The following ZBTB7C variants were observed in gnomAD, a reference collection of about 807,000 sequenced individuals.
ZBTB7C encodes the protein zinc finger and BTB domain-containing protein 7C.
In ZBTB7C, 8 loss-of-function variants were observed where a neutral mutation model predicts 25.7. The ratio of observed to expected loss-of-function variants is 0.31; its 90% CI spans 0.18 to 0.56. The LOEUF is 0.56. Ranked by LOEUF, ZBTB7C falls within the 20% of genes least tolerant of loss-of-function variation. The pLI, the probability that ZBTB7C is intolerant of heterozygous loss-of-function variation, is 0.91. For missense variants in ZBTB7C, 824 were observed against 855.2 expected, an observed-to-expected ratio of 0.96 and a Z score of 0.46; for synonymous variants, 394 against 369.0, an observed-to-expected ratio of 1.07 and a Z score of -0.78.
At chr18:48,362,405 G>A (rs931379884) in intron 1 of ZBTB7C, among the ~76,000 whole-genome samples, 7 of 152,208 alleles carry the variant, frequency 4.6e-5, no homozygotes, top group African/African-American at 1.4e-4. Context: ...TCACGAAGGT[G>A]GAGCTTTCAT....
chr18:48,180,435 C>T, intron 3 of ZBTB7C: 2 of 445,864 alleles, frequency 4.5e-6, no homozygotes, highest in South Asian at 3.2e-5. Flanking sequence ...CTCTTGAAGA[C>T]AAGGGTCTGG....
rs1298142061 is a variant in ZBTB7C, at chr18:48,259,734, A to G, written c.-78-73739T>C. ...TGAACAGAACTTTACCAAAAAAAAT[A>G]TGAATGGCAAGTAAGCCCATGAAAA... On this transcript the variant is annotated intron_variant, in intron 2 of 4. Coordinates refer to ENST00000590800, the MANE Select transcript of ZBTB7C (RefSeq NM_001318841.2). Among the ~76,000 whole-genome samples the G allele has an allele frequency of 3.3e-5, 5 of 152,250 alleles. No homozygotes were observed. The East Asian group carries it at 9.6e-4, about 29-fold the overall frequency.
chr18:48,059,149 C>T (rs577622581), intron 3 of ZBTB7C, among the ~76,000 whole-genome samples: 1 of 152,268 alleles, frequency 6.6e-6, no homozygotes, highest in South Asian at 2.1e-4. Context: ...ACTAACTCAA[C>T]TCCTTTGGGA....
intron 3 of ZBTB7C, among the ~76,000 whole-genome samples, chr18:48,165,794 A>G (rs1350772202): frequency 6.6e-6 from 1 of 152,192 alleles, no homozygotes; most frequent in Middle Eastern, 3.2e-3. Context: ...CAGGGTCTGC[A>G]CAGCTCTGTG....
At chr18:48,234,547 C>T (rs1194638778) in intron 2 of ZBTB7C, among the ~76,000 whole-genome samples, 2 of 152,076 alleles carry the variant, frequency 1.3e-5, no homozygotes, top group Non-Finnish European at 2.9e-5. Flanking sequence ...TGCTAGGGTG[C>T]AATACGATTC....
At chr18:48,328,912 C>T (rs9630786) in intron 2 of ZBTB7C, among the ~76,000 whole-genome samples, 1,898 of 152,266 alleles carry the variant, frequency 0.012, 47 homozygotes, top group African/African-American at 0.044. Context: ...ATGGAAGATT[C>T]CAGACAAGTG....
chr18:48,198,684 C>G (rs956715282), intron 2 of ZBTB7C, among the ~76,000 whole-genome samples: 43 of 152,160 alleles, frequency 2.8e-4, no homozygotes, highest in African/African-American at 9.9e-4. Flanking sequence ...TGATCCAATC[C>G]AGCACATTCT....
intron 2 of ZBTB7C, among the ~76,000 whole-genome samples, chr18:48,250,847 T>C (rs1467271817): frequency 6.6e-6 from 1 of 152,106 alleles, no homozygotes; most frequent in Admixed American, 6.6e-5. Context: ...AAAATTTTTC[T>C]ATAGGAGACA....
chr18:48,354,759 G>C (rs989917833), intron 1 of ZBTB7C, among the ~76,000 whole-genome samples: 4 of 152,124 alleles, frequency 2.6e-5, no homozygotes. Context: ...GGTGTGTCAG[G>C]GCTGGTCCAA....
intron 3 of ZBTB7C, among the ~76,000 whole-genome samples, chr18:48,118,556 C>A (rs958444122): frequency 1.3e-5 from 2 of 152,106 alleles, no homozygotes; most frequent in African/African-American, 4.8e-5. Flanking sequence ...TTGACTTGTT[C>A]TTCCTCTTTC....
At chr18:48,113,979 G>A (rs1431424164) in intron 3 of ZBTB7C, among the ~76,000 whole-genome samples, 2 of 152,192 alleles carry the variant, frequency 1.3e-5, no homozygotes, top group Non-Finnish European at 2.9e-5. Context: ...GGGTGGTGGT[G>A]TCCCATGAAA....
At chr18:48,289,120 A>C (rs556221176) in intron 2 of ZBTB7C, among the ~76,000 whole-genome samples, 1 of 152,350 alleles carries the variant, frequency 6.6e-6, no homozygotes, top group Non-Finnish European at 1.5e-5. Flanking sequence ...TTGATTGGCT[A>C]AATGGGACTG....
chr18:48,053,805 A>T (rs1460026258), intron 3 of ZBTB7C, among the ~76,000 whole-genome samples: 3 of 152,186 alleles, frequency 2.0e-5, no homozygotes. Flanking sequence ...ACCTAAAATG[A>T]GTGCTAAGTG....
chr18:48,360,031 A>G (rs2047067253), intron 1 of ZBTB7C, among the ~76,000 whole-genome samples: 1 of 152,220 alleles, frequency 6.6e-6, no homozygotes, highest in Admixed American at 6.5e-5. Context: ...GTTCATGAAT[A>G]GACCCTTCAG....
At chr18:48,037,180 G>A (rs1367151260) in intron 4 of ZBTB7C, among the ~76,000 whole-genome samples, 1 of 152,236 alleles carries the variant, frequency 6.6e-6, no homozygotes, top group African/African-American at 2.4e-5. Flanking sequence ...GAGGGTCAGA[G>A]ACCAGTGGGA....
At chr18:48,328,619 G>A (rs578118245) in intron 2 of ZBTB7C, among the ~76,000 whole-genome samples, 1 of 152,220 alleles carries the variant, frequency 6.6e-6, no homozygotes, top group African/African-American at 2.4e-5. Context: ...GGGAACCTGG[G>A]GCCCAGGGAG....
chr18:48,281,590 C>T (rs938754158), intron 2 of ZBTB7C, among the ~76,000 whole-genome samples: 16 of 152,172 alleles, frequency 1.1e-4, no homozygotes, highest in African/African-American at 3.9e-4. Flanking sequence ...CCAGAATCTA[C>T]AATGAACTCA....
intron 3 of ZBTB7C, among the ~76,000 whole-genome samples, chr18:48,127,493 T>C (rs975245713): frequency 2.0e-5 from 3 of 152,202 alleles, no homozygotes; most frequent in Non-Finnish European, 4.4e-5. Context: ...TGCATGGGTG[T>C]CCTACAGGGG....
chr18:48,271,749 G>A (rs2044493149), intron 2 of ZBTB7C, among the ~76,000 whole-genome samples: 1 of 151,804 alleles, frequency 6.6e-6, no homozygotes, highest in Non-Finnish European at 1.5e-5. Flanking sequence ...AAATGCTGAA[G>A]AAAAAGCATT....
Sources: allele counts gnomAD v4.1 joint callset (sites outside exome capture counted in the v4.1 genomes callset), GRCh38; gene constraint gnomAD v4.1.1; transcripts MANE v1.5; gene names NCBI Gene and HGNC (gene_info 2026-07-23, HGNC 2026-07-21).